The following PAX7 variants were observed in gnomAD, a reference collection of about 807,000 sequenced individuals.
PAX7 encodes the protein paired box protein Pax-7.
A neutral mutation model predicts 50.7 loss-of-function variants in PAX7; 18 were observed. The ratio of observed to expected loss-of-function variants is 0.36; its 90% CI spans 0.25 to 0.53. The LOEUF (loss-of-function observed/expected upper bound fraction) is 0.53. Ranked by LOEUF, PAX7 falls within the 20% of genes least tolerant of loss-of-function variation. The pLI is 0.93. For synonymous variants in PAX7, 310 were observed against 290.4 expected, an observed-to-expected ratio of 1.07 and a Z score of -0.69; for missense variants, 644 against 702.9, an observed-to-expected ratio of 0.92 and a Z score of 0.95.
intron 7 of PAX7, among the ~76,000 whole-genome samples, chr1:18,725,006 T>C (rs541991016): frequency 6.6e-6 from 1 of 152,312 alleles, no homozygotes; most frequent in South Asian, 2.1e-4. Flanking sequence ...AAGTAGGTGA[T>C]GGGCACATAG....
intron 5 of PAX7, among the ~76,000 whole-genome samples, chr1:18,696,409 G>T (rs532299497): frequency 6.6e-5 from 10 of 152,186 alleles, no homozygotes; most frequent in Non-Finnish European, 1.5e-4. Flanking sequence ...TGGCTCACCA[G>T]TCTACGTGTG....
intron 4 of PAX7, among the ~76,000 whole-genome samples, chr1:18,639,576 G>A (rs2088217855): frequency 6.6e-6 from 1 of 152,052 alleles, no homozygotes; most frequent in African/African-American, 2.4e-5. Flanking sequence ...TTTCTCCGAG[G>A]ATCAGGGGAT....
At chr1:18,649,900 C>T (rs940687480) in intron 4 of PAX7, among the ~76,000 whole-genome samples, 3 of 152,212 alleles carry the variant, frequency 2.0e-5, no homozygotes, top group African/African-American at 7.2e-5. Flanking sequence ...GTCCTTTTGT[C>T]TGAACAATGG....
intron 7 of PAX7, among the ~76,000 whole-genome samples, chr1:18,710,757 AT>A (rs907794224): frequency 1.3e-5 from 2 of 152,150 alleles, no homozygotes; most frequent in South Asian, 2.1e-4. Flanking sequence ...TTTTATTGCA[AT>A]TTTTTTATTA....
Position 18,700,484 on chromosome 1 carries a change from C to A in PAX7, c.787-169C>A, listed in dbSNP as rs142446845. Among the ~76,000 whole-genome samples the A allele has an allele frequency of 6.6e-6, 1 of 152,268 alleles. No homozygotes were observed. Among genetic ancestry groups the A allele is most frequent in the African/African-American group, 2.4e-5 (1 of 41,560 alleles). ...GTTGTGAGGGCAGAATGGGGTCATACCTATGAAATCACTCTGCAAAGCGTC... is the reference window on the plus strand; with the variant it reads ...GTTGTGAGGGCAGAATGGGGTCATAACTATGAAATCACTCTGCAAAGCGTC... On this transcript the variant is annotated intron_variant, in intron 5 of 8. Transcript: ENST00000420770. This position sits in a 1 kb window ranked among gnomAD's most constrained non-coding sequence, Gnocchi z 4.8.
chr1:18,665,425 G>C (rs2088654352), intron 4 of PAX7, among the ~76,000 whole-genome samples: 1 of 152,080 alleles, frequency 6.6e-6, no homozygotes. Flanking sequence ...CACCAGGCTG[G>C]AGTGCAGTGG....
intron 1 of PAX7, among the ~76,000 whole-genome samples, chr1:18,633,610 G>A (rs1030405089): frequency 1.3e-5 from 2 of 152,186 alleles, no homozygotes; most frequent in Non-Finnish European, 2.9e-5. Context: ...GGACTTCGAG[G>A]GTGGTTAGAA....
chr1:18,732,190 A>G (rs2089654644), intron 7 of PAX7, among the ~76,000 whole-genome samples: 1 of 152,186 alleles, frequency 6.6e-6, no homozygotes, highest in Non-Finnish European at 1.5e-5. Context: ...CGTAGCATTT[A>G]TCAGTATCAG....
intron 4 of PAX7, among the ~76,000 whole-genome samples, chr1:18,640,617 G>C (rs1447159901): frequency 6.6e-6 from 1 of 152,130 alleles, no homozygotes; most frequent in Non-Finnish European, 1.5e-5. Flanking sequence ...AAAGGTAATT[G>C]ACACTCCACC....
chr1:18,739,803 G>A (rs1156804131), intron 8 of PAX7, among the ~76,000 whole-genome samples: 4 of 152,218 alleles, frequency 2.6e-5, no homozygotes, highest in African/African-American at 4.8e-5. Flanking sequence ...GTCTTTCCTC[G>A]TCTCTAGGGG....
intron 5 of PAX7, among the ~76,000 whole-genome samples, chr1:18,695,430 A>G (rs566988737): frequency 6.6e-6 from 1 of 152,304 alleles, no homozygotes; most frequent in African/African-American, 2.4e-5. Context: ...GCTGTCTTGA[A>G]GCTGGCATTC....
chr1:18,706,496 C>G (rs1406339337), intron 7 of PAX7, among the ~76,000 whole-genome samples: 2 of 124,938 alleles, frequency 1.6e-5, no homozygotes, highest in African/African-American at 3.2e-5. Flanking sequence ...GAGTCTAAGT[C>G]TGTTGCCCAG....
chr1:18,634,717 T>TA lies in PAX7; in HGVS notation c.321+181dup, dbSNP rs575773226. 9.2e-5 allele frequency among the ~76,000 whole-genome samples: 14 copies of TA among 152,340 alleles called. No individual in the cohort carries two copies. The South Asian group carries it at 2.9e-3, about 32-fold the overall frequency. Reference sequence around the variant, plus strand: ...TATTTGAATTTCTCAGAGATGGAGCTAAGTGAGGTCTAGGTTGTGCAAGAC... The same window carrying TA: ...TATTTGAATTTCTCAGAGATGGAGCTAAAGTGAGGTCTAGGTTGTGCAAGAC... On this transcript the variant is annotated intron_variant, in intron 2 of 8. Transcript: ENST00000420770. The surrounding 1 kb of genome is among the most constrained non-coding windows in gnomAD (Gnocchi z 4.0).
rs2089210676 is a variant in PAX7 at position 18,700,891 on chromosome 1, G to C, written c.952+73G>C. On this transcript the variant is annotated intron_variant, in intron 6 of 8. Transcript: ENST00000420770. The surrounding 1 kb of genome is among the most constrained non-coding windows in gnomAD (Gnocchi z 4.8). ...TCTTTCTTTACTTTCACTTACAAAG[G>C]CTCTTCTTTTTTTTATGACCATTTC... The C allele has an allele frequency of 5.5e-6, 7 of 1,270,226 alleles. No homozygotes were observed. Among genetic ancestry groups the C allele is most frequent in the Non-Finnish European group, 5.1e-6 (5 of 972,582 alleles). 78.7% of individuals were successfully genotyped at this position (1,270,226 alleles called of 1,614,324 possible). A position where few individuals can be genotyped will look rare whatever the true frequency, so the allele number is the denominator to read the frequency against.
intron 6 of PAX7, among the ~76,000 whole-genome samples, chr1:18,702,141 T>G (rs2100324776): frequency 6.6e-6 from 1 of 150,546 alleles, no homozygotes; most frequent in South Asian, 2.1e-4. Context: ...GAGACCAGCC[T>G]GGCCAACATG....
chr1:18,675,560 A>G (rs1022100764), intron 4 of PAX7, among the ~76,000 whole-genome samples: 1 of 151,938 alleles, frequency 6.6e-6, no homozygotes, highest in Non-Finnish European at 1.5e-5. Context: ...AATACATCAG[A>G]TACAGCCCAG....
intron 8 of PAX7, among the ~76,000 whole-genome samples, chr1:18,738,454 C>T (rs1930921722): frequency 6.6e-6 from 1 of 152,130 alleles, no homozygotes; most frequent in African/African-American, 2.4e-5. Flanking sequence ...GGGAGGGGAT[C>T]AAAAGGGAAG....
At chr1:18,728,525 G>T (rs971544255) in intron 7 of PAX7, among the ~76,000 whole-genome samples, 1 of 151,984 alleles carries the variant, frequency 6.6e-6, no homozygotes, top group Non-Finnish European at 1.5e-5. Flanking sequence ...ACTAGTGGCC[G>T]TCAAACTTGG....
At chr1:18,692,927 T>C (rs1165410569) in intron 5 of PAX7, among the ~76,000 whole-genome samples, 1 of 152,238 alleles carries the variant, frequency 6.6e-6, no homozygotes, top group African/African-American at 2.4e-5. Context: ...GTAGGGGGCC[T>C]GGGGACATTG....
Sources: gnomAD v4.1 joint callset for allele counts (sites outside exome capture counted in the v4.1 genomes callset) on GRCh38, gnomAD v4.1.1 for gene constraint, Gnocchi (gnomAD v3.1) non-coding constraint, MANE v1.5 for transcripts, NCBI Gene and HGNC (gene_info 2026-07-23, HGNC 2026-07-21) for gene names.